Variants in PLCB1 observed in about 807,000 individuals in gnomAD.
The protein encoded by PLCB1 is 1-phosphatidylinositol 4,5-bisphosphate phosphodiesterase beta-1.
Under a neutral mutation model 161.8 loss-of-function variants are expected in PLCB1, and 46 were observed. The ratio of observed to expected loss-of-function variants is 0.28; its 90% CI spans 0.22 to 0.36. The LOEUF (loss-of-function observed/expected upper bound fraction) is 0.36, where lower values mean the gene tolerates loss of function less well. Among genes scored for constraint, PLCB1 ranks in the 10% least tolerant of loss-of-function variants. PLCB1 has a pLI of 1.00. For missense variants in PLCB1, 1,016 were observed against 1,472.5 expected, an observed-to-expected ratio of 0.69 and a Z score of 5.07; for synonymous variants, 517 against 503.7, an observed-to-expected ratio of 1.03 and a Z score of -0.35.
At position 8,407,819 on chromosome 20, in the gene PLCB1, T is replaced by A. The variant is rs1657299587; in HGVS notation, c.246+36369T>A. ...TAATAATGACATTATCTGCTGGTCT[T>A]CTTCCCCAGAACCGAAAATTCCAGT... On this transcript the variant is annotated intron_variant, in intron 3 of 31. Transcript: ENST00000338037. Among the ~76,000 whole-genome samples, 2 of 152,174 alleles carry A rather than the reference T, an allele frequency of 1.3e-5. 1 individual carries two copies. Among genetic ancestry groups the A allele is most frequent in the South Asian group, 4.1e-4 (2 of 4,832 alleles).
chr20:8,270,959 G>A lies in PLCB1; in HGVS notation c.178-100423G>A, dbSNP rs139729874. ...TGCTGATAGAGCAAAACAAACCTACGCAAATATGGAAGAAATTACCCACAG... is the reference window on the plus strand; with the variant it reads ...TGCTGATAGAGCAAAACAAACCTACACAAATATGGAAGAAATTACCCACAG... On this transcript the variant is annotated intron_variant, in intron 2 of 31. Transcript: ENST00000338037. Among the ~76,000 whole-genome samples the A allele has an allele frequency of 5.7e-4, 87 of 152,114 alleles. 1 individual carries two copies. Among genetic ancestry groups the A allele is most frequent in the Admixed American group, 5.1e-3 (78 of 15,254 alleles).
chr20:8,651,720 A>C (rs982405546), intron 7 of PLCB1: 3 of 470,062 alleles, frequency 6.4e-6, no homozygotes, highest in African/African-American at 5.8e-5. Context: ...ATGCCAACAA[A>C]TGCGTCTGTA....
rs1253438174 is a variant in PLCB1 at position 8,322,636 on chromosome 20, GT to G, written c.178-48743del. On this transcript the variant is annotated intron_variant, in intron 2 of 31. Transcript: ENST00000338037. The stretch of plus-strand genomic sequence containing the variant: ...TATTCCACAAGCATTTCTTAAATTA[GT>G]TTGTTAAGAGCCTTAGATCATCAGA... Among the ~76,000 whole-genome samples, 8 of 152,142 alleles carry G rather than the reference GT, an allele frequency of 5.3e-5. No homozygotes were observed. In the East Asian group the frequency reaches 1.5e-3, roughly 29 times the overall value.
At chr20:8,732,776 G>T in intron 18 of PLCB1, among the ~76,000 whole-genome samples, 2 of 124,688 alleles carry the variant, frequency 1.6e-5, no homozygotes, top group Non-Finnish European at 1.7e-5. Context: ...AGATATATTA[G>T]AATAATATAA....
chr20:8,759,235 C>G (rs1283921050), intron 24 of PLCB1, among the ~76,000 whole-genome samples: 2 of 152,168 alleles, frequency 1.3e-5, no homozygotes, highest in Non-Finnish European at 2.9e-5. Flanking sequence ...GCAAGTGATA[C>G]TCGCCTTTCT....
intron 31 of PLCB1, among the ~76,000 whole-genome samples, chr20:8,856,245 T>C (rs1987063882): frequency 1.3e-5 from 2 of 152,202 alleles, no homozygotes. Context: ...TTTAACTTCA[T>C]AAAAATGGTA....
At chr20:8,303,452 G>C (rs193035456) in intron 2 of PLCB1, among the ~76,000 whole-genome samples, 101 of 152,208 alleles carry the variant, frequency 6.6e-4, no homozygotes, top group African/African-American at 2.2e-3. Flanking sequence ...ATAAATCATG[G>C]CCCCCTGTTA....
intron 31 of PLCB1, among the ~76,000 whole-genome samples, chr20:8,863,045 A>C (rs750643091): frequency 9.9e-5 from 15 of 152,202 alleles, no homozygotes; most frequent in Non-Finnish European, 1.9e-4. Flanking sequence ...ATTTCTTGCA[A>C]AGGGTGAGGG....
intron 3 of PLCB1, among the ~76,000 whole-genome samples, chr20:8,421,877 A>G (rs73591793): frequency 0.048 from 7,256 of 152,296 alleles, 558 homozygotes; most frequent in African/African-American, 0.16. Flanking sequence ...ATGAATATGC[A>G]TGCTGAAGTT....
rs143925280 is a variant in PLCB1 at position 8,330,116 on chromosome 20, A to T, written c.178-41266A>T. Among the ~76,000 whole-genome samples, 167 of 152,298 alleles carry T rather than the reference A, an allele frequency of 1.1e-3. 1 individual carries two copies. Among genetic ancestry groups the T allele is most frequent in the African/African-American group, 3.9e-3 (161 of 41,566 alleles). On this transcript the variant is annotated intron_variant, in intron 2 of 31. Transcript: ENST00000338037. ...CTGCAAAAAAATGTAGGACAAAACC[A>T]TGGGGCCTTAAAATGAATGAGAACA...
At chr20:8,535,621 A>C (rs1427509611) in intron 3 of PLCB1, among the ~76,000 whole-genome samples, 1 of 152,188 alleles carries the variant, frequency 6.6e-6, no homozygotes, top group African/African-American at 2.4e-5. Flanking sequence ...CAGCGCCCCT[A>C]CAACAGAGTT....
intron 31 of PLCB1, among the ~76,000 whole-genome samples, chr20:8,875,958 TAA>T (rs1166969164): frequency 6.6e-6 from 1 of 152,164 alleles, no homozygotes; most frequent in East Asian, 1.9e-4. Context: ...CTGCCTTTTT[TAA>T]AGACAGAAGA....
chr20:8,831,834 T>G (rs1430218209), intron 31 of PLCB1, among the ~76,000 whole-genome samples: 1 of 152,216 alleles, frequency 6.6e-6, no homozygotes, highest in Non-Finnish European at 1.5e-5. Flanking sequence ...TGAAATAAAT[T>G]TCACAGATAT....
intron 3 of PLCB1, among the ~76,000 whole-genome samples, chr20:8,416,376 A>G (rs1029619895): frequency 2.0e-5 from 3 of 152,182 alleles, no homozygotes; most frequent in Admixed American, 6.5e-5. Context: ...ATGTAAAAAT[A>G]TTACATTGAA....
chr20:8,690,659 G>A (rs906315667), intron 10 of PLCB1, among the ~76,000 whole-genome samples: 6 of 152,154 alleles, frequency 3.9e-5, no homozygotes, highest in South Asian at 4.1e-4. Context: ...GGGAGGTTAC[G>A]AATCTTGTGA....
intron 3 of PLCB1, among the ~76,000 whole-genome samples, chr20:8,616,026 G>C (rs1313711878): frequency 6.6e-6 from 1 of 152,054 alleles, no homozygotes; most frequent in Non-Finnish European, 1.5e-5. Flanking sequence ...AGAAACCGAG[G>C]GTTGTTACTG....
At chr20:8,608,129 G>T (rs1445730388) in intron 3 of PLCB1, among the ~76,000 whole-genome samples, 3 of 152,094 alleles carry the variant, frequency 2.0e-5, no homozygotes, top group East Asian at 1.9e-4. Context: ...TCATCAAGTT[G>T]TGTACTTAAA....
chr20:8,585,980 T>C (rs1036062478), intron 3 of PLCB1, among the ~76,000 whole-genome samples: 1 of 152,228 alleles, frequency 6.6e-6, no homozygotes, highest in Non-Finnish European at 1.5e-5. Context: ...TGTTTGACAT[T>C]GAATTCCAAT....
intron 2 of PLCB1, among the ~76,000 whole-genome samples, chr20:8,228,603 G>C (rs1242390353): frequency 6.6e-6 from 1 of 151,956 alleles, no homozygotes; most frequent in Admixed American, 6.6e-5. Context: ...GACCTCCCTG[G>C]CTTAAGTGAT....
Sources: allele counts gnomAD v4.1 joint callset (sites outside exome capture counted in the v4.1 genomes callset), GRCh38; gene constraint gnomAD v4.1.1; transcripts MANE v1.5; gene names NCBI Gene and HGNC (gene_info 2026-07-23, HGNC 2026-07-21).